Variants in SLIT2 observed in about 807,000 individuals in gnomAD.
The protein encoded by SLIT2 is slit guidance ligand 2, also known as slit homolog 2 protein.
Under a neutral mutation model 185.7 loss-of-function variants are expected in SLIT2, and 41 were observed. The ratio of observed to expected loss-of-function variants is 0.22; its 90% CI spans 0.17 to 0.29. SLIT2 has a LOEUF of 0.29. SLIT2 is among the 10% of genes least tolerant of loss of function. The probability of loss-of-function intolerance (pLI) is 1.00; values close to 1 mark genes in which losing one functional copy is unlikely to be tolerated. For synonymous variants in SLIT2, 693 were observed against 680.2 expected, an observed-to-expected ratio of 1.02 and a Z score of -0.29; for missense variants, 1,571 against 1,909.0, an observed-to-expected ratio of 0.82 and a Z score of 3.30.
At chr4:20,439,929 A>G (rs568360925) in intron 4 of SLIT2, among the ~76,000 whole-genome samples, 28 of 152,326 alleles carry the variant, frequency 1.8e-4, no homozygotes, top group Non-Finnish European at 3.7e-4. Context: ...ATTGACTTAA[A>G]AGCACACAGA....
chr4:20,337,194 G>T (rs1214628938), intron 4 of SLIT2, among the ~76,000 whole-genome samples: 3 of 152,136 alleles, frequency 2.0e-5, no homozygotes, highest in Admixed American at 2.0e-4. Context: ...CAGGAAAAAG[G>T]GTTTAATGGA....
intron 4 of SLIT2, among the ~76,000 whole-genome samples, chr4:20,374,267 C>A (rs1723828286): frequency 1.3e-5 from 2 of 152,082 alleles, no homozygotes; most frequent in African/African-American, 4.8e-5. Context: ...TATCAAAGTA[C>A]TATGAAGTGC....
rs552431745 is a variant in SLIT2 at position 20,307,514 on chromosome 4, C to CCT, written c.395+38634_395+38635dup. On this transcript the variant is annotated intron_variant, in intron 4 of 36. Transcript: ENST00000504154. The stretch of plus-strand genomic sequence containing the variant: ...CTCCTGACTTCAAGTCCCTCCTTGG[C>CCT]CTGCTAAAGTATTGGGATTATAGGC... Among the ~76,000 whole-genome samples the CCT allele has an allele frequency of 5.0e-3, 753 of 152,102 alleles. 7 individuals carry two copies. Among genetic ancestry groups the CCT allele is most frequent in the African/African-American group, 0.018 (731 of 41,474 alleles).
At chr4:20,448,102 T>G (rs1712025208) in intron 4 of SLIT2, among the ~76,000 whole-genome samples, 1 of 152,212 alleles carries the variant, frequency 6.6e-6, no homozygotes, top group African/African-American at 2.4e-5. Flanking sequence ...TTCTAACTAC[T>G]TAACTGTCGT....
chr4:20,579,488 A>G (rs949798326), intron 29 of SLIT2, among the ~76,000 whole-genome samples: 3 of 152,198 alleles, frequency 2.0e-5, no homozygotes, highest in African/African-American at 7.2e-5. Context: ...CCGGGATGCT[A>G]CACATATGTC....
At position 20,582,486 on chromosome 4, in the gene SLIT2, T is replaced by C. The variant is rs1577967954; in HGVS notation, c.3089-7158T>C. 2.6e-5 allele frequency among the ~76,000 whole-genome samples: 4 copies of C among 152,330 alleles called. 1 individual carries two copies. The highest frequency in any genetic ancestry group is 2.6e-4 in the Admixed American group (4 of 15,306). On this transcript the variant is annotated intron_variant, in intron 29 of 36. Coordinates refer to ENST00000504154, the MANE Select transcript of SLIT2 (RefSeq NM_004787.4). Reference sequence around the variant, plus strand: ...AAACCACAAATAGTACTGAAGCCAGTTGCTATCAATCAGAACATGTTTCTG... The same window carrying C: ...AAACCACAAATAGTACTGAAGCCAGCTGCTATCAATCAGAACATGTTTCTG...
intron 33 of SLIT2, among the ~76,000 whole-genome samples, chr4:20,606,629 A>G (rs186681063): frequency 2.6e-5 from 4 of 152,340 alleles, no homozygotes; most frequent in African/African-American, 9.6e-5. Flanking sequence ...ATCAGATTAG[A>G]CATTTAAAGC....
At chr4:20,344,661 C>T (rs866478212) in intron 4 of SLIT2, among the ~76,000 whole-genome samples, 2 of 152,098 alleles carry the variant, frequency 1.3e-5, no homozygotes, top group African/African-American at 4.8e-5. Flanking sequence ...TCATTGATAT[C>T]CTGGAATCTT....
chr4:20,440,898 G>A (rs779890261), intron 4 of SLIT2, among the ~76,000 whole-genome samples: 9 of 152,082 alleles, frequency 5.9e-5, no homozygotes, highest in Non-Finnish European at 1.2e-4. Flanking sequence ...AAACACTGAT[G>A]ACCAGGCCTT....
At chr4:20,402,457 C>T (rs1726436069) in intron 4 of SLIT2, among the ~76,000 whole-genome samples, 1 of 151,750 alleles carries the variant, frequency 6.6e-6, no homozygotes, top group African/African-American at 2.4e-5. Context: ...TTGAAAATTT[C>T]ATGTTTGTTA....
At chr4:20,366,058 C>T (rs562863515) in intron 4 of SLIT2, among the ~76,000 whole-genome samples, 6 of 152,206 alleles carry the variant, frequency 3.9e-5, no homozygotes, top group African/African-American at 1.4e-4. Context: ...TCCAGGGAAT[C>T]GCTGGCTTCA....
At chr4:20,350,951 A>T (rs1239258187) in intron 4 of SLIT2, among the ~76,000 whole-genome samples, 6 of 152,224 alleles carry the variant, frequency 3.9e-5, no homozygotes, top group Non-Finnish European at 5.9e-5. Flanking sequence ...AAAATATTTG[A>T]AAAGTATTAG....
rs1721085133 is a variant in SLIT2 at position 20,524,154 on chromosome 4, A to C, written c.1415A>C (p.Lys472Thr). 1.2e-6 allele frequency: 2 copies of C among 1,614,006 alleles called. No individual in the cohort carries two copies. Among genetic ancestry groups the C allele is most frequent in the African/African-American group, 2.7e-5 (2 of 74,934 alleles). ...GCAAACAAAAGAATTGGACAGATCAAAAGCAAGAAATTCCGTTGTTCAGGT... is the reference window on the plus strand; with the variant it reads ...GCAAACAAAAGAATTGGACAGATCACAAGCAAGAAATTCCGTTGTTCAGGT... The part of the protein sequence containing the change: ...RLANKRIGQI[K>T]SKKFRCSAKE... The change falls in exon 14 of 37, where the codon AAA becomes ACA. Residue 472 changes from lysine (K) to threonine (T), a missense_variant. Lys to Thr is a moderately conservative substitution (Grantham distance 78, BLOSUM62 -1). This residue lies in a region of SLIT2 where 1,202 missense variants were observed against 1,416.4 expected (regional missense o/e 0.85). Transcript: ENST00000504154.
chr4:20,291,476 ATATATATATATATATATTTTTTTTTTTTT>A (rs1293156960), intron 4 of SLIT2, among the ~76,000 whole-genome samples: 24 of 15,400 alleles, frequency 1.6e-3, no homozygotes, highest in East Asian at 5.3e-3. Flanking sequence ...ATATATATAT[ATATATATATATATATATTTTTTTTTTTTT>A]TTTTTTTTTT....
intron 29 of SLIT2, 113 bp from the exon 30 acceptor site, chr4:20,589,531 T>C: frequency 2.5e-6 from 2 of 793,410 alleles, no homozygotes; most frequent in Non-Finnish European, 4.2e-6. Context: ...TGCTTTGTTT[T>C]GTTTTAAATC....
At position 20,543,995 on chromosome 4, in the gene SLIT2, T is replaced by A. The variant is rs554396510; in HGVS notation, c.2276+1369T>A. Among the ~76,000 whole-genome samples the A allele has an allele frequency of 7.9e-5, 12 of 151,992 alleles. No individual in the cohort carries two copies. The East Asian group carries it at 1.6e-3, about 20-fold the overall frequency. On this transcript the variant is annotated intron_variant, in intron 21 of 36. Coordinates refer to ENST00000504154, the MANE Select transcript of SLIT2 (RefSeq NM_004787.4). ...TATAGAATATTCTGTGTCCACAGGA[T>A]GGGGAACATCACACACCGGGGCCTG...
In SLIT2 at chr4:20,488,802, C is replaced by A. The variant is rs779196989; in HGVS notation, c.612-17C>A. 6.4e-7 allele frequency: 1 copy of A among 1,556,408 alleles called. No homozygotes were observed. Among genetic ancestry groups the A allele is most frequent in the East Asian group, 2.3e-5 (1 of 43,780 alleles). ...CTTTCTGTTTTCTTGCTTTACACTTCTTTTTTTCTCATTTAGTCGACTGCA... is the reference window on the plus strand; with the variant it reads ...CTTTCTGTTTTCTTGCTTTACACTTATTTTTTTCTCATTTAGTCGACTGCA... On this transcript the variant is annotated splice_polypyrimidine_tract_variant and intron_variant, in intron 7 of 36. Transcript: ENST00000504154.
intron 29 of SLIT2, among the ~76,000 whole-genome samples, chr4:20,575,774 G>A (rs1577956142): frequency 6.6e-6 from 1 of 152,064 alleles, no homozygotes; most frequent in African/African-American, 2.4e-5. Flanking sequence ...TTCAAGTGCA[G>A]CCAAGCCGTC....
intron 4 of SLIT2, among the ~76,000 whole-genome samples, chr4:20,287,966 T>C (rs570413276): frequency 1.3e-5 from 2 of 152,354 alleles, no homozygotes; most frequent in South Asian, 2.1e-4. Flanking sequence ...ATTTCTTTTA[T>C]TGAAACAGAA....
Sources: gnomAD v4.1 joint callset for allele counts (sites outside exome capture counted in the v4.1 genomes callset) on GRCh38, gnomAD v4.1.1 for gene constraint, gnomAD v4.1.1 regional missense constraint, MANE v1.5 for transcripts, NCBI Gene and HGNC (gene_info 2026-07-23, HGNC 2026-07-21) for gene names.